RBBP5: variants seen among roughly 807,000 people sequenced by gnomAD.
RBBP5 encodes the protein retinoblastoma-binding protein 5.
RBBP5 carries 5 observed loss-of-function variants against 72.2 expected under a neutral mutation model. That is an observed-to-expected ratio of 0.07 (90% confidence interval 0.04 to 0.15). The LOEUF is 0.15. Among genes scored for constraint, RBBP5 ranks in the 10% least tolerant of loss-of-function variants. The pLI is 1.00. For synonymous variants in RBBP5, 209 were observed against 237.2 expected, an observed-to-expected ratio of 0.88 and a Z score of 1.09; for missense variants, 322 against 652.2, an observed-to-expected ratio of 0.49 and a Z score of 5.51.
Position 205,100,243 on chromosome 1 carries a change from T to C in RBBP5, c.661A>G (p.Ile221Val), listed in dbSNP as rs752165247. 2 of 1,614,106 alleles carry C rather than the reference T, an allele frequency of 1.2e-6. No homozygotes were observed. The highest frequency in any genetic ancestry group is 1.7e-6 in the Non-Finnish European group (2 of 1,180,030). The change falls in exon 7 of 14, where the codon ATA becomes GTA. Residue 221 changes from isoleucine (I) to valine (V), a missense_variant. Ile to Val is a conservative substitution (Grantham distance 29). Coordinates refer to ENST00000264515, the MANE Select transcript of RBBP5 (RefSeq NM_005057.4). The stretch of plus-strand genomic sequence containing the variant: ...TCTCTGCCATCATAAACTCTGATTA[T>C]TCGATCTGCCGTGTTAATTAAAAAG... ...SCFLINTADR[I>V]IRVYDGREIL... is the part of the protein sequence containing the mutation.
Position 205,117,448 on chromosome 1 carries a change from G to A in RBBP5, c.20-1565C>T, listed in dbSNP as rs979928621. ...AGCTGAGGCAGGTGGATCACCTGAG[G>A]TCGGGAGTTCAAAACCACTCTGACC... On this transcript the variant is annotated intron_variant, in intron 1 of 13. Coordinates refer to ENST00000264515, the MANE Select transcript of RBBP5 (RefSeq NM_005057.4). Among the ~76,000 whole-genome samples, 13 of 151,890 alleles carry A rather than the reference G, an allele frequency of 8.6e-5. 1 individual carries two copies. Among genetic ancestry groups the A allele is most frequent in the Non-Finnish European group, 1.5e-4 (10 of 67,930 alleles).
chr1:205,114,720 T>C, intron 3 of RBBP5, 69 bp downstream of exon 3: 1 of 1,302,350 alleles, frequency 7.7e-7, no homozygotes, highest in South Asian at 1.6e-5. Context: ...ATATCTACAA[T>C]GAGATTTGCA....
intron 12 of RBBP5, among the ~76,000 whole-genome samples, chr1:205,095,967 C>A (rs930972219): frequency 1.3e-5 from 2 of 151,958 alleles, no homozygotes; most frequent in Admixed American, 1.3e-4. Context: ...CCGAGGCAGG[C>A]GGATCACTTG....
chr1:205,092,917 C>A (rs756911808), intron 13 of RBBP5, among the ~76,000 whole-genome samples: 1 of 152,134 alleles, frequency 6.6e-6, no homozygotes, highest in Non-Finnish European at 1.5e-5. Flanking sequence ...GGGATAGACA[C>A]GTTTTAAGAA....
chr1:205,102,539 G>C (rs185321832), intron 5 of RBBP5, among the ~76,000 whole-genome samples: 60 of 152,264 alleles, frequency 3.9e-4, no homozygotes, highest in African/African-American at 1.3e-3. Flanking sequence ...GATTCAATAG[G>C]TACAGAATTC....
chr1:205,121,381 C>T (rs1656730904), intron 1 of RBBP5, among the ~76,000 whole-genome samples: 1 of 152,192 alleles, frequency 6.6e-6, no homozygotes, highest in African/African-American at 2.4e-5. Context: ...CTAGCCATTA[C>T]CCTCTGAGCC....
intron 1 of RBBP5, among the ~76,000 whole-genome samples, chr1:205,117,756 C>A (rs1158943786): frequency 6.6e-6 from 1 of 152,018 alleles, no homozygotes; most frequent in South Asian, 2.1e-4. Flanking sequence ...GATAACCCCA[C>A]TGAAAATTTG....
Position 205,099,899 on chromosome 1 carries a change from T to G in RBBP5, c.906+12A>C. The G allele has an allele frequency of 6.2e-7, 1 of 1,614,082 alleles. No individual in the cohort carries two copies. The highest frequency in any genetic ancestry group is 8.5e-7 in the Non-Finnish European group (1 of 1,179,936). ...TATGTGACTAACAAAAGCAATGTCC[T>G]AATGTACTCACAGCTACATCCAAGA... is the stretch of plus-strand genomic sequence containing the variant. On this transcript the variant is annotated intron_variant, in intron 8 of 13. Coordinates refer to ENST00000264515, the MANE Select transcript of RBBP5 (RefSeq NM_005057.4). This position sits in a 1 kb window ranked among gnomAD's most constrained non-coding sequence, Gnocchi z 4.7.
At chr1:205,121,676 T>C (rs1417164714) in intron 1 of RBBP5, among the ~76,000 whole-genome samples, 179 bp downstream of exon 1, 3 of 152,182 alleles carry the variant, frequency 2.0e-5, no homozygotes, top group Non-Finnish European at 4.4e-5. Context: ...GGAGGGGCAA[T>C]GCAACCTACT....
At chr1:205,121,460 T>C (rs142026136) in intron 1 of RBBP5, among the ~76,000 whole-genome samples, 193 of 152,316 alleles carry the variant, frequency 1.3e-3, no homozygotes, top group Middle Eastern at 3.4e-3. Context: ...ACTTCTCTTT[T>C]CTACAAAAAG....
chr1:205,109,507 T>C (rs747422421), intron 3 of RBBP5, among the ~76,000 whole-genome samples: 19 of 152,010 alleles, frequency 1.2e-4, no homozygotes, highest in Non-Finnish European at 2.5e-4. Context: ...AATTTGACTA[T>C]AGAACAAAAT....
intron 3 of RBBP5, among the ~76,000 whole-genome samples, chr1:205,106,512 C>T (rs1656071155): frequency 1.3e-5 from 2 of 152,124 alleles, no homozygotes; most frequent in South Asian, 4.1e-4. Context: ...GCAGGAGAAT[C>T]GCTTGAACCT....
At chr1:205,092,342 TCTCA>T (rs1480438140) in intron 13 of RBBP5, among the ~76,000 whole-genome samples, 7 of 152,134 alleles carry the variant, frequency 4.6e-5, no homozygotes, top group Non-Finnish European at 7.3e-5. Context: ...AGAGACAGGG[TCTCA>T]CTATGTTGCC....
At chr1:205,116,018 C>T (rs778478813) in intron 1 of RBBP5, 135 bp from the exon 2 acceptor site, 1 of 1,571,852 alleles carries the variant, frequency 6.4e-7, no homozygotes, top group Middle Eastern at 1.7e-4. Context: ...TCCATGAGGC[C>T]ATACGGATTT....
At position 205,097,002 on chromosome 1, in the gene RBBP5, T is replaced by TA; in HGVS notation, c.1167-92dup. The TA allele has an allele frequency of 2.6e-6, 3 of 1,134,232 alleles. No homozygotes were observed. In the South Asian group the frequency reaches 4.7e-5, roughly 18 times the overall value. The allele number at this position is 1,134,232 out of a possible 1,614,324, so 70.3% of individuals were successfully genotyped here. On this transcript the variant is annotated intron_variant, in intron 11 of 13. Transcript: ENST00000264515. ...CTTCCTCTATCACCTATATTAAGCA[T>TA]AAGCAACAGGTATGGATCTAGAACT... is the stretch of plus-strand genomic sequence containing the variant.
Position 205,121,935 on chromosome 1 carries a change from T to C in RBBP5, c.-62A>G, listed in dbSNP as rs1330063950. ...AACAACACCTTCTCCCCGGCCGGCT[T>C]CAGCAACTTGCGTCTAAGTGGTGGA... On this transcript the variant is annotated 5_prime_UTR_variant, in exon 1 of 14. Transcript: ENST00000264515. 2 of 1,603,544 alleles carry C rather than the reference T, an allele frequency of 1.2e-6. No individual in the cohort carries two copies. Among genetic ancestry groups the C allele is most frequent in the East Asian group, 4.5e-5 (2 of 44,820 alleles).
intron 10 of RBBP5, among the ~76,000 whole-genome samples, 164 bp from the exon 11 acceptor site, chr1:205,097,559 T>G (rs776496288): frequency 5.9e-5 from 9 of 152,118 alleles, no homozygotes; most frequent in Non-Finnish European, 1.3e-4. Flanking sequence ...ATTTCCACCC[T>G]ATCCTAGGCA....
At chr1:205,100,608 T>G (rs1655782668) in intron 6 of RBBP5, among the ~76,000 whole-genome samples, 2 of 152,202 alleles carry the variant, frequency 1.3e-5, no homozygotes, top group South Asian at 4.1e-4. Flanking sequence ...AATATATATT[T>G]TTTAAATGAG....
chr1:205,090,742 G>T (rs908833357), intron 13 of RBBP5, among the ~76,000 whole-genome samples: 23 of 152,174 alleles, frequency 1.5e-4, no homozygotes, highest in African/African-American at 5.1e-4. Context: ...TGGCCTAAGA[G>T]AACACTGAAT....
Sources: allele counts gnomAD v4.1 joint callset (sites outside exome capture counted in the v4.1 genomes callset), GRCh38; gene constraint gnomAD v4.1.1; non-coding constraint Gnocchi (gnomAD v3.1); transcripts MANE v1.5; gene names NCBI Gene and HGNC (gene_info 2026-07-23, HGNC 2026-07-21).